The following SEMA6D variants were observed in gnomAD, a reference collection of about 807,000 sequenced individuals.
SEMA6D encodes the protein semaphorin-6D.
In SEMA6D, 35 loss-of-function variants were observed where a neutral mutation model predicts 106.6. That is an observed-to-expected ratio of 0.33 (90% confidence interval 0.25 to 0.44). SEMA6D has a LOEUF of 0.44. Ranked by LOEUF, SEMA6D falls within the 20% of genes least tolerant of loss-of-function variation. The probability of loss-of-function intolerance (pLI) is 1.00; values close to 1 mark genes in which losing one functional copy is unlikely to be tolerated. For synonymous variants in SEMA6D, 499 were observed against 487.7 expected, an observed-to-expected ratio of 1.02 and a Z score of -0.31; for missense variants, 1,185 against 1,345.9, an observed-to-expected ratio of 0.88 and a Z score of 1.87.
At chr15:47,754,953 A>ATT (rs11435743) in intron 1 of SEMA6D, among the ~76,000 whole-genome samples, 4,763 of 136,310 alleles carry the variant, frequency 0.035, 245 homozygotes, top group African/African-American at 0.11. Flanking sequence ...TTTGTTGTTG[A>ATT]TTTTTTTTTT....
intron 1 of SEMA6D, among the ~76,000 whole-genome samples, chr15:47,411,834 C>T (rs1015475504): frequency 6.6e-6 from 1 of 152,086 alleles, no homozygotes; most frequent in South Asian, 2.1e-4. Context: ...GATAAATTCA[C>T]TCCAGCCCTC....
At chr15:47,216,673 AATAC>A (rs2030644878) in intron 1 of SEMA6D, among the ~76,000 whole-genome samples, 1 of 152,030 alleles carries the variant, frequency 6.6e-6, no homozygotes, top group Non-Finnish European at 1.5e-5. Flanking sequence ...GAAAAAACCT[AATAC>A]ATCAATGGAA....
intron 1 of SEMA6D, among the ~76,000 whole-genome samples, chr15:47,364,724 G>A (rs906276568): frequency 2.6e-5 from 4 of 151,464 alleles, no homozygotes; most frequent in African/African-American, 4.9e-5. Flanking sequence ...AGCCTCACAC[G>A]TACTTCCTAT....
chr15:47,648,785 A>G (rs531446536), intron 4 of SEMA6D, among the ~76,000 whole-genome samples: 31 of 152,188 alleles, frequency 2.0e-4, no homozygotes, highest in Non-Finnish European at 3.8e-4. Context: ...ATTTAATATT[A>G]GAAGGTTTTG....
intron 1 of SEMA6D, among the ~76,000 whole-genome samples, chr15:47,745,312 A>G (rs148550947): frequency 1.3e-5 from 2 of 152,328 alleles, no homozygotes; most frequent in Non-Finnish European, 2.9e-5. Flanking sequence ...GGTAGCTGCT[A>G]GTGTGATCCT....
intron 1 of SEMA6D, among the ~76,000 whole-genome samples, chr15:47,405,994 A>C (rs1422553225): frequency 1.3e-5 from 2 of 152,198 alleles, no homozygotes; most frequent in African/African-American, 4.8e-5. Context: ...CACGAGGGCC[A>C]TATGCAAGGA....
chr15:47,327,220 G>A (rs189757564), intron 1 of SEMA6D, among the ~76,000 whole-genome samples: 1 of 152,194 alleles, frequency 6.6e-6, no homozygotes, highest in Admixed American at 6.5e-5. Flanking sequence ...TTCTTCACTT[G>A]TAAAATGCTG....
intron 4 of SEMA6D, among the ~76,000 whole-genome samples, chr15:47,636,652 C>A (rs893486385): frequency 1.3e-5 from 2 of 152,136 alleles, no homozygotes; most frequent in Non-Finnish European, 2.9e-5. Flanking sequence ...AACATCACAG[C>A]GAAGGCAAGA....
At chr15:47,353,340 C>T (rs1354363888) in intron 1 of SEMA6D, among the ~76,000 whole-genome samples, 1 of 152,168 alleles carries the variant, frequency 6.6e-6, no homozygotes. Flanking sequence ...CAAGGGCTGC[C>T]TAGAGCCAAT....
At chr15:47,439,949 C>CAT (rs1479562975) in intron 2 of SEMA6D, among the ~76,000 whole-genome samples, 1 of 152,118 alleles carries the variant, frequency 6.6e-6, no homozygotes, top group Non-Finnish European at 1.5e-5. Context: ...GCATCTGAGA[C>CAT]ATAGTCCAAG....
intron 4 of SEMA6D, among the ~76,000 whole-genome samples, chr15:47,676,744 A>G (rs2078253677): frequency 6.6e-6 from 1 of 152,102 alleles, no homozygotes; most frequent in Non-Finnish European, 1.5e-5. Flanking sequence ...AACCACCCCA[A>G]CACATAGATC....
At chr15:47,597,703 A>C (rs867704665) in intron 3 of SEMA6D, among the ~76,000 whole-genome samples, 10 of 151,784 alleles carry the variant, frequency 6.6e-5, no homozygotes, top group Non-Finnish European at 1.3e-4. Context: ...AGTGATTACC[A>C]GAGGCTGGGG....
intron 4 of SEMA6D, among the ~76,000 whole-genome samples, chr15:47,676,049 C>T (rs2078238953): frequency 1.3e-5 from 2 of 152,196 alleles, no homozygotes; most frequent in African/African-American, 4.8e-5. Flanking sequence ...CACTGTGTTT[C>T]AGCTTCTGTT....
chr15:47,346,172 T>C (rs2038037481), intron 1 of SEMA6D, among the ~76,000 whole-genome samples: 1 of 152,104 alleles, frequency 6.6e-6, no homozygotes, highest in African/African-American at 2.4e-5. Context: ...CCTTATTACA[T>C]AGGTGAGTTT....
chr15:47,260,425 A>G (rs1313801718), intron 1 of SEMA6D, among the ~76,000 whole-genome samples: 1 of 151,842 alleles, frequency 6.6e-6, no homozygotes, highest in African/African-American at 2.4e-5. Flanking sequence ...GGTCTTTGTG[A>G]TATTATTTAG....
intron 1 of SEMA6D, among the ~76,000 whole-genome samples, chr15:47,391,223 T>C (rs2040018655): frequency 6.6e-6 from 1 of 152,212 alleles, no homozygotes; most frequent in South Asian, 2.1e-4. Context: ...CTCTGCTCTC[T>C]GAGCTGCTCT....
intron 2 of SEMA6D, among the ~76,000 whole-genome samples, chr15:47,447,430 G>A (rs1376784932): frequency 6.6e-6 from 1 of 152,056 alleles, no homozygotes; most frequent in East Asian, 1.9e-4. Flanking sequence ...ATGCAATGAA[G>A]CCCTCCATAA....
intron 4 of SEMA6D, among the ~76,000 whole-genome samples, chr15:47,697,491 G>A (rs8038438): frequency 3.4e-4 from 52 of 152,154 alleles, no homozygotes; most frequent in African/African-American, 1.2e-3. Context: ...TAGCAATTTT[G>A]CCTATTGGTT....
At chr15:47,770,346 A>G (rs2082563742) in intron 18 of SEMA6D, 151 bp from the exon 19 acceptor site, 2 of 583,996 alleles carry the variant, frequency 3.4e-6, no homozygotes. Context: ...GATTAAAGAC[A>G]AAATATACAA....
Sources: gnomAD v4.1 joint callset for allele counts (sites outside exome capture counted in the v4.1 genomes callset) on GRCh38, gnomAD v4.1.1 for gene constraint, MANE v1.5 for transcripts, NCBI Gene and HGNC (gene_info 2026-07-23, HGNC 2026-07-21) for gene names.